CETP: variants seen among roughly 807,000 people sequenced by gnomAD.
The protein encoded by CETP is cholesteryl ester transfer protein.
Under a neutral mutation model 66.5 loss-of-function variants are expected in CETP, and 56 were observed. The observed-to-expected ratio is 0.84, with a 90% confidence interval of 0.68 to 1.05. The LOEUF is 1.05. Among genes scored for constraint, CETP ranks in the 50% least tolerant of loss-of-function variants. CETP has a pLI of 0.00. For synonymous variants in CETP, 251 were observed against 245.7 expected, an observed-to-expected ratio of 1.02 and a Z score of -0.20; for missense variants, 612 against 609.6, an observed-to-expected ratio of 1.00 and a Z score of -0.04.
chr16:56,969,876 C>A (rs553619710), intron 4 of CETP, 38 bp from the exon 5 acceptor site: 1 of 1,603,752 alleles, frequency 6.2e-7, no homozygotes, highest in Admixed American at 1.7e-5. Context: ...CATCTGATAG[C>A]GGAGGCTGCC....
In CETP at chr16:56,973,417, C is replaced by A. The variant is rs1456636930; in HGVS notation, c.837C>A (p.Tyr279Ter). The part of the protein sequence containing the change: ...PTLLGDSRML[Y>*]FWFSERVFHS... Reference sequence around the variant, plus strand: ...TGCTGGGGGACTCCCGCATGCTGTACTTCTGGTTCTCTGAGCGAGTCTTCC... The same window carrying A: ...TGCTGGGGGACTCCCGCATGCTGTAATTCTGGTTCTCTGAGCGAGTCTTCC... The change falls in exon 9 of 16, where the codon TAC becomes TAA. Residue 279 changes from tyrosine (Y) to a stop codon, truncating the protein, a stop_gained. Coordinates refer to ENST00000200676, the MANE Select transcript of CETP (RefSeq NM_000078.3). LOFTEE classifies it high-confidence loss of function. The A allele has an allele frequency of 6.2e-7, 1 of 1,614,212 alleles. No homozygotes were observed.
intron 5 of CETP, 76 bp downstream of exon 5, chr16:56,970,077 C>T (rs2056099261): frequency 2.2e-6 from 3 of 1,376,176 alleles, no homozygotes; most frequent in Non-Finnish European, 3.0e-6. Context: ...CTTCCAGGCT[C>T]AACCCCACAC....
chr16:56,969,790 C>T, intron 4 of CETP, 109 bp downstream of exon 4: 1 of 1,549,166 alleles, frequency 6.5e-7, no homozygotes, highest in South Asian at 1.1e-5. Context: ...AAAGGAGGCC[C>T]AGCCTGGGAA....
intron 1 of CETP, 47 bp from the exon 2 acceptor site, chr16:56,962,963 G>A (rs548626429): frequency 1.3e-6 from 2 of 1,544,216 alleles, no homozygotes; most frequent in Admixed American, 3.3e-5. Flanking sequence ...GGGAGCAGGG[G>A]GCTTGGTGTG....
rs755724790 is a variant in CETP, at chr16:56,969,488, G to T, written c.336G>T (p.Gly112=). The change falls in exon 3 of 16, where the codon GGG becomes GGT. Residue 112 remains glycine (G), a synonymous_variant. Coordinates refer to ENST00000200676, the MANE Select transcript of CETP (RefSeq NM_000078.3). ...SIQNVSVVFK[G]TLKYGYTTAW... is the part of the protein sequence containing the mutation. ...AGAACGTGTCTGTGGTCTTCAAGGG[G>T]ACCCTGAAGTATGGCTACACCACTG... 2 of 1,614,182 alleles carry T rather than the reference G, an allele frequency of 1.2e-6. No homozygotes were observed. The highest frequency in any genetic ancestry group is 1.1e-5 in the South Asian group (1 of 91,088).
intron 1 of CETP, 104 bp downstream of exon 1, chr16:56,962,201 C>A: frequency 2.1e-6 from 2 of 964,450 alleles, no homozygotes; most frequent in Non-Finnish European, 1.7e-6. Context: ...CCGGCTGCCA[C>A]ACTAGCCCAG....
At position 56,972,027 on chromosome 16, in the gene CETP, A is replaced by T; in HGVS notation, c.694A>T (p.Ile232Phe). 3 of 1,614,098 alleles carry T rather than the reference A, an allele frequency of 1.9e-6. No homozygotes were observed. The highest frequency in any genetic ancestry group is 1.7e-6 in the Non-Finnish European group (2 of 1,180,012). Residue 232 changes from isoleucine (I) to phenylalanine (F), a missense_variant, in exon 8 of 16, where the codon ATT becomes TTT. By Grantham distance (21) the Ile-to-Phe change is conservative (BLOSUM62 0). Transcript: ENST00000200676. ...ILSDGDIGVD[I>F]SLTGDPVITA... ...TTCAGATGGAGACATTGGGGTGGACATTTCCCTGACAGGTGATCCCGTCAT... is the reference window on the plus strand; with the variant it reads ...TTCAGATGGAGACATTGGGGTGGACTTTTCCCTGACAGGTGATCCCGTCAT...
At chr16:56,962,655 T>C (rs145040912) in intron 1 of CETP, among the ~76,000 whole-genome samples, 1 of 152,286 alleles carries the variant, frequency 6.6e-6, no homozygotes, top group Non-Finnish European at 1.5e-5. Context: ...GCCAGAATTA[T>C]AGACCCCCAG....
At chr16:56,971,235 A>G in intron 6 of CETP, 86 bp from the exon 7 acceptor site, 1 of 1,531,994 alleles carries the variant, frequency 6.5e-7, no homozygotes. Context: ...GCCGGTCCCC[A>G]GCACTGCCAC....
At position 56,982,160 on chromosome 16, in the gene CETP, G is replaced by T. The variant is rs1188466173; in HGVS notation, c.1249-5G>T. On this transcript the variant is annotated splice_polypyrimidine_tract_variant and splice_region_variant and intron_variant, in intron 13 of 15. Transcript: ENST00000200676. ...GAGGACTCACCATGGGCATTTGATT[G>T]GCAGAGCAGCTCCGAGTCCGTCCAG... 1 of 1,613,978 alleles carries T rather than the reference G, an allele frequency of 6.2e-7. No homozygotes were observed. Among genetic ancestry groups the T allele is most frequent in the Non-Finnish European group, 8.5e-7 (1 of 1,179,912 alleles).
intron 11 of CETP, among the ~76,000 whole-genome samples, chr16:56,979,480 A>C (rs559237781): frequency 6.6e-6 from 1 of 152,088 alleles, no homozygotes; most frequent in South Asian, 2.1e-4. Flanking sequence ...GGAATTAAGA[A>C]TCAGTATTAT....
intron 2 of CETP, among the ~76,000 whole-genome samples, chr16:56,967,163 C>A (rs2056073271): frequency 6.7e-6 from 1 of 149,834 alleles, no homozygotes; most frequent in African/African-American, 2.5e-5. Flanking sequence ...GCCTGGCCAA[C>A]ATGGTGAAAC....
In CETP at chr16:56,981,165, T is replaced by C. The variant is rs1280460587; in HGVS notation, c.1154T>C (p.Val385Ala). Residue 385 changes from valine to alanine, a missense_variant, in exon 12 of 16, where the codon GTG (valine) becomes GCG (alanine). Physicochemically the swap from Val to Ala is moderately conservative, Grantham distance 64. Transcript: ENST00000200676. ...TTTGGTTTCTCTCCCCAGGATATCG[T>C]GACTACCGTCCAGGCCTCCTATTCT... ...SVAYTFEEDI[V>A]TTVQASYSKK... is the part of the protein sequence containing the mutation. 2.5e-6 allele frequency: 4 copies of C among 1,613,344 alleles called. No homozygotes were observed. The East Asian group carries it at 8.9e-5, about 36-fold the overall frequency.
At chr16:56,972,712 A>AC (rs1567472608) in intron 8 of CETP, among the ~76,000 whole-genome samples, 3 of 152,212 alleles carry the variant, frequency 2.0e-5, no homozygotes, top group Non-Finnish European at 4.4e-5. Context: ...TGCAAGGGAA[A>AC]CTGAGGAATT....
intron 5 of CETP, 101 bp downstream of exon 5, chr16:56,970,102 G>A: frequency 8.5e-7 from 1 of 1,174,254 alleles, no homozygotes. Context: ...CATGCTTGTG[G>A]GTGGCCAAAC....
chr16:56,982,664 C>T (rs2056197094), intron 14 of CETP, among the ~76,000 whole-genome samples: 1 of 152,156 alleles, frequency 6.6e-6, no homozygotes, highest in African/African-American at 2.4e-5. Flanking sequence ...GAATATTTAT[C>T]CCTTTGAGGT....
At chr16:56,969,015 T>G (rs1414665255) in intron 2 of CETP, among the ~76,000 whole-genome samples, 2 of 152,054 alleles carry the variant, frequency 1.3e-5, no homozygotes, top group Non-Finnish European at 2.9e-5. Context: ...CCCTCCATCT[T>G]CAGCACACCA....
chr16:56,983,137 C>A (rs1012105704), intron 14 of CETP, among the ~76,000 whole-genome samples, 189 bp from the exon 15 acceptor site: 1 of 152,216 alleles, frequency 6.6e-6, no homozygotes, highest in Non-Finnish European at 1.5e-5. Context: ...CAAGCCCTGC[C>A]GCCAGGCAAA....
At chr16:56,963,156 G>A in intron 2 of CETP, 32 bp downstream of exon 2, 2 of 1,572,366 alleles carry the variant, frequency 1.3e-6, no homozygotes, top group Middle Eastern at 1.7e-4. Flanking sequence ...ACCAGGCTGG[G>A]GGTAGGGAGG....
Sources: gnomAD v4.1 joint callset for allele counts (sites outside exome capture counted in the v4.1 genomes callset) on GRCh38, gnomAD v4.1.1 for gene constraint, MANE v1.5 for transcripts, NCBI Gene and HGNC (gene_info 2026-07-23, HGNC 2026-07-21) for gene names.